The following TENM2 variants were observed in gnomAD, a reference collection of about 807,000 sequenced individuals.
TENM2 encodes teneurin transmembrane protein 2, also known as teneurin-2.
Under a neutral mutation model 245.2 loss-of-function variants are expected in TENM2, and 52 were observed. The ratio of observed to expected loss-of-function variants is 0.21; its 90% CI spans 0.17 to 0.27. TENM2 has a LOEUF of 0.27. Ranked by LOEUF, TENM2 falls within the 10% of genes least tolerant of loss-of-function variation. The pLI is 1.00. For synonymous variants in TENM2, 1,363 were observed against 1,438.9 expected (o/e 0.95, Z 1.19); for missense variants, 3,046 against 3,666.8 (o/e 0.83, Z 4.37).
the TENM2 span, among the ~76,000 whole-genome samples, chr5:167,230,991 GT>G: frequency 1.3e-5 from 2 of 152,256 alleles, no homozygotes; most frequent in Admixed American, 6.5e-5. Context: ...AGATCTGATG[GT>G]TTTATTACTG....
chr5:167,336,175 C>CT (rs1757740836), intron 1 of TENM2, among the ~76,000 whole-genome samples: 3 of 129,862 alleles, frequency 2.3e-5, no homozygotes, highest in African/African-American at 5.5e-5. Context: ...TTTCATTTCT[C>CT]CTTTTTTTTT....
chr5:167,040,136 A>G, the TENM2 span, among the ~76,000 whole-genome samples: 1 of 152,046 alleles, frequency 6.6e-6, no homozygotes, highest in Admixed American at 6.5e-5. Flanking sequence ...AAATCTCCTC[A>G]TCTTGTACTT....
chr5:167,050,346 A>G, the TENM2 span, among the ~76,000 whole-genome samples: 1 of 152,142 alleles, frequency 6.6e-6, no homozygotes. Flanking sequence ...CCGTATGAGA[A>G]TCTAAGTAAT....
chr5:168,109,159 C>A (rs1253500178), intron 9 of TENM2, among the ~76,000 whole-genome samples: 3 of 152,198 alleles, frequency 2.0e-5, no homozygotes, highest in African/African-American at 7.2e-5. Context: ...CAGATCCCAC[C>A]TCTCTTTCCT....
the TENM2 span, among the ~76,000 whole-genome samples, chr5:167,130,872 C>A: frequency 6.9e-6 from 1 of 145,774 alleles, no homozygotes; most frequent in Non-Finnish European, 1.5e-5. Context: ...CAGGGCTTTG[C>A]AGCCAGTGTT....
intron 2 of TENM2, among the ~76,000 whole-genome samples, chr5:167,692,597 A>G (rs938627815): frequency 6.6e-6 from 1 of 152,306 alleles, no homozygotes; most frequent in South Asian, 2.1e-4. Flanking sequence ...ATATATATGC[A>G]TGACTTTAAA....
intron 1 of TENM2, among the ~76,000 whole-genome samples, chr5:167,374,058 C>T (rs1760598911): frequency 6.6e-6 from 1 of 152,120 alleles, no homozygotes; most frequent in African/African-American, 2.4e-5. Context: ...TCTTTGATAC[C>T]ATTTAGAAAC....
At chr5:168,057,761 T>C (rs937367669) in intron 6 of TENM2, among the ~76,000 whole-genome samples, 11 of 152,198 alleles carry the variant, frequency 7.2e-5, no homozygotes, top group African/African-American at 2.4e-4. Flanking sequence ...ATTTCAATAG[T>C]AAATTTCATA....
At chr5:167,786,796 G>T (rs1764607586) in intron 2 of TENM2, among the ~76,000 whole-genome samples, 1 of 152,204 alleles carries the variant, frequency 6.6e-6, no homozygotes, top group African/African-American at 2.4e-5. Context: ...TTAGCACATA[G>T]GGGTTTGGAC....
intron 4 of TENM2, among the ~76,000 whole-genome samples, chr5:167,961,369 G>T (rs1039161110): frequency 2.0e-5 from 3 of 152,164 alleles, no homozygotes; most frequent in Admixed American, 6.5e-5. Flanking sequence ...CTTAAAGGCT[G>T]GATGGTATTT....
chr5:167,773,888 C>T (rs1259963872), intron 2 of TENM2, among the ~76,000 whole-genome samples: 4 of 152,142 alleles, frequency 2.6e-5, no homozygotes, highest in African/African-American at 7.2e-5. Context: ...AAGGTCATGT[C>T]GCTTGTTATT....
chr5:168,003,215 G>C (rs1361736795), intron 5 of TENM2, among the ~76,000 whole-genome samples: 1 of 152,134 alleles, frequency 6.6e-6, no homozygotes, highest in African/African-American at 2.4e-5. Flanking sequence ...AAGAAATTGA[G>C]GACATTTGTG....
chr5:167,105,925 A>C, the TENM2 span, among the ~76,000 whole-genome samples: 799 of 145,738 alleles, frequency 5.5e-3, 7 homozygotes, highest in African/African-American at 0.019. Context: ...AAAAAAAAAA[A>C]AAGAAAGTGA....
Position 167,580,346 on chromosome 5 carries a change from G to A in TENM2, c.502+204873G>A, listed in dbSNP as rs185320019. Among the ~76,000 whole-genome samples, 1,034 of 152,230 alleles carry A rather than the reference G, an allele frequency of 6.8e-3. 6 individuals carry two copies. Among genetic ancestry groups the A allele is most frequent in the Admixed American group, 0.01 (159 of 15,290 alleles). ...GTCGACTGGATAAATTTAAATTTGGGGGGACATCTTTCTATTTACAAATGA... is the reference window on the plus strand; with the variant it reads ...GTCGACTGGATAAATTTAAATTTGGAGGGACATCTTTCTATTTACAAATGA... On this transcript the variant is annotated intron_variant, in intron 2 of 28. Transcript: ENST00000518659.
chr5:167,297,738 AG>A (rs2127729962), intron 1 of TENM2, among the ~76,000 whole-genome samples: 1 of 152,136 alleles, frequency 6.6e-6, no homozygotes, highest in South Asian at 2.1e-4. Context: ...GAGTCAGCAA[AG>A]GGAGATAGGG....
At chr5:167,983,599 G>C (rs936688399) in intron 4 of TENM2, among the ~76,000 whole-genome samples, 1 of 152,220 alleles carries the variant, frequency 6.6e-6, no homozygotes, top group Admixed American at 6.5e-5. Flanking sequence ...AAACGGGCTT[G>C]AGTCGAAGCT....
chr5:168,040,297 C>T (rs1173945999), intron 5 of TENM2, among the ~76,000 whole-genome samples: 2 of 152,012 alleles, frequency 1.3e-5, no homozygotes, highest in African/African-American at 4.8e-5. Context: ...TCTCCAATGC[C>T]CCCTCTCATT....
chr5:167,722,441 T>C (rs989282263), intron 2 of TENM2, among the ~76,000 whole-genome samples: 2 of 152,120 alleles, frequency 1.3e-5, no homozygotes, highest in Admixed American at 6.6e-5. Flanking sequence ...GATACAGCTA[T>C]AGATTTAGAT....
intron 2 of TENM2, among the ~76,000 whole-genome samples, chr5:167,438,847 G>A (rs992306201): frequency 2.0e-5 from 3 of 151,946 alleles, no homozygotes; most frequent in African/African-American, 7.3e-5. Context: ...AGACTGGAGT[G>A]CAATGGCACG....
Sources: allele counts gnomAD v4.1 joint callset (sites outside exome capture counted in the v4.1 genomes callset), GRCh38; gene constraint gnomAD v4.1.1; transcripts MANE v1.5; gene names NCBI Gene and HGNC (gene_info 2026-07-23, HGNC 2026-07-21).